Variants in GPM6A observed in about 807,000 individuals in gnomAD.
GPM6A encodes the protein neuronal membrane glycoprotein M6-a.
GPM6A carries 7 observed loss-of-function variants against 32.1 expected under a neutral mutation model. The ratio of observed to expected loss-of-function variants is 0.22; its 90% CI spans 0.12 to 0.41. The LOEUF (loss-of-function observed/expected upper bound fraction) is 0.41. Ranked by LOEUF, GPM6A falls within the 10% of genes least tolerant of loss-of-function variation. The pLI is 1.00. For missense variants in GPM6A, 235 were observed against 347.2 expected (o/e 0.68, Z 2.57); for synonymous variants, 130 against 123.4 (o/e 1.05, Z -0.35).
intron 1 of GPM6A, among the ~76,000 whole-genome samples, chr4:175,796,601 T>C (rs368492271): frequency 6.6e-6 from 1 of 152,216 alleles, no homozygotes; most frequent in African/African-American, 2.4e-5. Context: ...GTGTTTTTCA[T>C]TATAAGTATG....
At chr4:175,680,086 C>T (rs535953125) in intron 2 of GPM6A, among the ~76,000 whole-genome samples, 2 of 152,188 alleles carry the variant, frequency 1.3e-5, no homozygotes, top group South Asian at 4.1e-4. Flanking sequence ...TGTATGTATA[C>T]ACACACACAT....
intron 1 of GPM6A, among the ~76,000 whole-genome samples, chr4:175,881,903 T>C (rs1411245723): frequency 6.6e-6 from 1 of 152,094 alleles, no homozygotes; most frequent in East Asian, 1.9e-4. Context: ...GACAAGATAA[T>C]GGGTGCAGCA....
chr4:175,930,420 T>G, intron 1 of GPM6A, among the ~76,000 whole-genome samples: 1 of 91,954 alleles, frequency 1.1e-5, no homozygotes, highest in Non-Finnish European at 2.8e-5. Flanking sequence ...TTTTCATCTG[T>G]TTTTTGGGGG....
intron 2 of GPM6A, among the ~76,000 whole-genome samples, chr4:175,676,636 C>T (rs1231067799): frequency 3.9e-5 from 6 of 152,228 alleles, no homozygotes; most frequent in South Asian, 4.1e-4. Flanking sequence ...GTCCTAGCTA[C>T]GTGGGAGGCT....
In GPM6A at chr4:175,730,627, C is replaced by G. The variant is rs375896402; in HGVS notation, c.38-28860G>C. ...GTGGGACTACAGGCGCCCGCCACCA[C>G]GCGCGGCTAATTTTTTTTATATTTT... is the stretch of plus-strand genomic sequence containing the variant. On this transcript the variant is annotated intron_variant, in intron 1 of 6. Coordinates refer to ENST00000393658, the MANE Select transcript of GPM6A (RefSeq NM_201591.3). Among the ~76,000 whole-genome samples the G allele has an allele frequency of 1.2e-4, 18 of 152,182 alleles. No homozygotes were observed. In the East Asian group the frequency reaches 2.9e-3, roughly 25 times the overall value.
chr4:175,770,950 G>A (rs898527241), intron 1 of GPM6A, among the ~76,000 whole-genome samples: 1 of 152,136 alleles, frequency 6.6e-6, no homozygotes, highest in Non-Finnish European at 1.5e-5. Context: ...GCGGCTTCCT[G>A]CACCTTCTGA....
At chr4:175,984,864 G>T (rs541166661) in intron 1 of GPM6A, among the ~76,000 whole-genome samples, 1 of 152,108 alleles carries the variant, frequency 6.6e-6, no homozygotes, top group African/African-American at 2.4e-5. Flanking sequence ...ACCATTTTTT[G>T]AGTAGGCCTA....
At chr4:175,891,966 T>C (rs766513895) in intron 1 of GPM6A, among the ~76,000 whole-genome samples, 38 of 152,188 alleles carry the variant, frequency 2.5e-4, no homozygotes, top group Non-Finnish European at 5.0e-4. Flanking sequence ...TACAGCAAAC[T>C]TCAATGTGGC....
At chr4:175,748,446 GTAC>G (rs1732192180) in intron 1 of GPM6A, among the ~76,000 whole-genome samples, 2 of 152,314 alleles carry the variant, frequency 1.3e-5, no homozygotes, top group African/African-American at 2.4e-5. Flanking sequence ...TAATTGCCTT[GTAC>G]TTCTCCCTCA....
intron 1 of GPM6A, among the ~76,000 whole-genome samples, chr4:175,761,715 C>A (rs1173279908): frequency 6.6e-6 from 1 of 151,798 alleles, no homozygotes; most frequent in Non-Finnish European, 1.5e-5. Context: ...AAATAAAAAT[C>A]ATAAAATCTA....
intron 1 of GPM6A, among the ~76,000 whole-genome samples, chr4:175,954,989 C>T (rs77977831): frequency 0.017 from 2,601 of 152,338 alleles, 62 homozygotes; most frequent in African/African-American, 0.058. Flanking sequence ...ACAGATAAAA[C>T]ACCCTGTGTC....
chr4:175,725,986 GT>G (rs1477945840), intron 1 of GPM6A, among the ~76,000 whole-genome samples: 4 of 100,206 alleles, frequency 4.0e-5, no homozygotes, highest in African/African-American at 1.5e-4. Flanking sequence ...CAAATACCCT[GT>G]TTCTTCTTTT....
At chr4:175,691,019 A>G (rs752255554) in intron 2 of GPM6A, among the ~76,000 whole-genome samples, 14 of 152,188 alleles carry the variant, frequency 9.2e-5, no homozygotes, top group Admixed American at 9.2e-4. Flanking sequence ...ATTATAATAA[A>G]CCTGAGGTAT....
chr4:175,813,363 A>C (rs532693638), upstream of GPM6A, among the ~76,000 whole-genome samples: 1 of 152,228 alleles, frequency 6.6e-6, no homozygotes, highest in South Asian at 2.1e-4. Flanking sequence ...CAGCCTACTG[A>C]GTGACAGGGC....
chr4:175,642,690 T>G (rs1273021563), intron 4 of GPM6A, among the ~76,000 whole-genome samples: 2 of 152,236 alleles, frequency 1.3e-5, no homozygotes, highest in African/African-American at 4.8e-5. Context: ...TCCTCTTCTC[T>G]CTGACCTCTT....
chr4:175,814,599 C>A (rs555402124), upstream of GPM6A, among the ~76,000 whole-genome samples: 31 of 152,264 alleles, frequency 2.0e-4, no homozygotes, highest in Non-Finnish European at 4.4e-4. Context: ...CTCATATAAC[C>A]ATTCACTTTT....
At chr4:175,650,270 TTTTATTTATTTA>T (rs140528336) in intron 4 of GPM6A, among the ~76,000 whole-genome samples, 52,171 of 142,668 alleles carry the variant, frequency 0.37, 11,669 homozygotes, top group Non-Finnish European at 0.51. Flanking sequence ...GATTTCATTA[TTTTATTTATTTA>T]TTTATTTATT....
At chr4:175,714,783 A>G (rs1745749704) in intron 1 of GPM6A, among the ~76,000 whole-genome samples, 1 of 151,908 alleles carries the variant, frequency 6.6e-6, no homozygotes, top group Non-Finnish European at 1.5e-5. Context: ...TTTTTTTAAG[A>G]AATATATTAC....
intron 3 of GPM6A, among the ~76,000 whole-genome samples, chr4:175,670,635 G>T (rs1005289377): frequency 1.3e-5 from 2 of 151,898 alleles, no homozygotes; most frequent in African/African-American, 2.4e-5. Flanking sequence ...TAATAAAGTC[G>T]TTAATAATGA....
Sources: allele counts gnomAD v4.1 joint callset (sites outside exome capture counted in the v4.1 genomes callset), GRCh38; gene constraint gnomAD v4.1.1; transcripts MANE v1.5; gene names NCBI Gene and HGNC (gene_info 2026-07-23, HGNC 2026-07-21).